Variants in LRRC20 observed in about 807,000 individuals in gnomAD.
LRRC20 encodes the protein leucine-rich repeat-containing protein 20.
A neutral mutation model predicts 14.4 loss-of-function variants in LRRC20; 11 were observed. That is an observed-to-expected ratio of 0.77 (90% CI 0.48 to 1.27). The LOEUF (loss-of-function observed/expected upper bound fraction) is 1.27, where lower values mean the gene tolerates loss of function less well. Among genes scored for constraint, LRRC20 ranks in the 50% most tolerant of loss-of-function variants. The pLI, the probability that LRRC20 is intolerant of heterozygous loss-of-function variation, is 0.00. For synonymous variants in LRRC20, 121 were observed against 107.3 expected (o/e 1.13, Z -0.79); for missense variants, 219 against 251.2 (o/e 0.87, Z 0.87).
intron 3 of LRRC20, among the ~76,000 whole-genome samples, chr10:70,325,356 G>T (rs1363711728): frequency 6.6e-6 from 1 of 152,134 alleles, no homozygotes; most frequent in African/African-American, 2.4e-5. Flanking sequence ...CAGGATAGCG[G>T]CCTGCTCTCC....
At chr10:70,302,690 T>C (rs1482035350) in intron 4 of LRRC20, among the ~76,000 whole-genome samples, 1 of 151,382 alleles carries the variant, frequency 6.6e-6, no homozygotes, top group East Asian at 1.9e-4. Context: ...ATGGGCAACA[T>C]AGTGAGACCC....
chr10:70,370,168 TA>T (rs1451834541), intron 2 of LRRC20, among the ~76,000 whole-genome samples: 8 of 152,244 alleles, frequency 5.3e-5, no homozygotes, highest in African/African-American at 1.9e-4. Flanking sequence ...ACAGACCTGT[TA>T]ATACTTAGGA....
At position 70,341,505 on chromosome 10, in the gene LRRC20, C is replaced by T. The variant is rs543294577; in HGVS notation, c.83-803G>A. On this transcript the variant is annotated intron_variant, in intron 2 of 4. Coordinates refer to ENST00000446961, the MANE Select transcript of LRRC20 (RefSeq NM_001278212.2). ...TGAAGTGGCCAGGCGTGGTGGCTCACGCCTGTAATCCCAGCACTTTGGGAG... is the reference window on the plus strand; with the variant it reads ...TGAAGTGGCCAGGCGTGGTGGCTCATGCCTGTAATCCCAGCACTTTGGGAG... 1.4e-3 allele frequency among the ~76,000 whole-genome samples: 220 copies of T among 152,324 alleles called. 1 individual carries two copies. Among genetic ancestry groups the T allele is most frequent in the African/African-American group, 5.1e-3 (212 of 41,566 alleles).
chr10:70,353,744 C>T (rs1843414978), intron 2 of LRRC20, among the ~76,000 whole-genome samples: 1 of 152,172 alleles, frequency 6.6e-6, no homozygotes, highest in South Asian at 2.1e-4. Context: ...TAGTAAGCTG[C>T]TGAGCTTAAG....
intron 4 of LRRC20, among the ~76,000 whole-genome samples, chr10:70,320,089 G>C (rs1045217820): frequency 2.0e-5 from 3 of 152,204 alleles, no homozygotes; most frequent in African/African-American, 4.8e-5. Context: ...TCCAGACTGA[G>C]AGCACGGGCC....
chr10:70,369,559 G>T (rs1184666725), intron 2 of LRRC20, among the ~76,000 whole-genome samples: 1 of 131,592 alleles, frequency 7.6e-6, no homozygotes, highest in African/African-American at 2.9e-5. Flanking sequence ...AGCCGAGATG[G>T]TGTCACTGCA....
chr10:70,374,645 C>A (rs1166109909), intron 2 of LRRC20, among the ~76,000 whole-genome samples: 1 of 152,094 alleles, frequency 6.6e-6, no homozygotes, highest in East Asian at 1.9e-4. Flanking sequence ...TGCCCAGCCC[C>A]CTGTGACATT....
intron 2 of LRRC20, among the ~76,000 whole-genome samples, chr10:70,354,518 C>T (rs940755095): frequency 6.6e-6 from 1 of 152,176 alleles, no homozygotes; most frequent in East Asian, 1.9e-4. Context: ...CCACCCCAGT[C>T]CCACAGAATC....
Position 70,330,152 on chromosome 10 carries a change from A to G in LRRC20, c.233-6122T>C, listed in dbSNP as rs185916313. On this transcript the variant is annotated intron_variant, in intron 3 of 4. Coordinates refer to ENST00000446961, the MANE Select transcript of LRRC20 (RefSeq NM_001278212.2). ...ATTGGGAAGTATGCCCTTCCCTTCT[A>G]TTTTCTGGAAGAGGCTGTGTAAAAT... is the stretch of plus-strand genomic sequence containing the variant. Among the ~76,000 whole-genome samples, 197 of 152,188 alleles carry G rather than the reference A, an allele frequency of 1.3e-3. 1 individual carries two copies. Among genetic ancestry groups the G allele is most frequent in the African/African-American group, 4.5e-3 (188 of 41,504 alleles).
intron 2 of LRRC20, among the ~76,000 whole-genome samples, chr10:70,357,641 C>A (rs1338211913): frequency 6.6e-6 from 1 of 152,160 alleles, no homozygotes; most frequent in Non-Finnish European, 1.5e-5. Flanking sequence ...CTATCATGGG[C>A]TCTGGGACTT....
At chr10:70,375,492 G>A (rs936621223) in intron 2 of LRRC20, among the ~76,000 whole-genome samples, 7 of 151,946 alleles carry the variant, frequency 4.6e-5, no homozygotes, top group African/African-American at 1.7e-4. Flanking sequence ...CTCTGCCTCT[G>A]ACTGCCTTTC....
chr10:70,304,487 T>TATATATATATATATAC (rs1841337445), intron 4 of LRRC20, among the ~76,000 whole-genome samples: 1 of 140,258 alleles, frequency 7.1e-6, no homozygotes. Flanking sequence ...TATATATATA[T>TATATATATATATATAC]ATATATATAT....
intron 4 of LRRC20, among the ~76,000 whole-genome samples, chr10:70,315,441 T>C (rs1841817846): frequency 6.6e-6 from 1 of 152,216 alleles, no homozygotes; most frequent in South Asian, 2.1e-4. Flanking sequence ...CACTTCCTTG[T>C]TGCTGAAAGT....
In LRRC20 at chr10:70,368,057, C is replaced by T. The variant is rs1354257534; in HGVS notation, c.82+8395G>A. Among the ~76,000 whole-genome samples the T allele has an allele frequency of 2.3e-5, 3 of 131,388 alleles. No homozygotes were observed. In the East Asian group the frequency reaches 6.2e-4, roughly 27 times the overall value. 86.2% of individuals were successfully genotyped at this position (131,388 alleles called of 152,430 possible). A position where few individuals can be genotyped will look rare whatever the true frequency, so the allele number is the denominator to read the frequency against. ...GGAGTGCAGTAGCACAATCTTGGCT[C>T]ACTGCAACCTCCACCTCCCAGGTTG... On this transcript the variant is annotated intron_variant, in intron 2 of 4. Transcript: ENST00000446961.
chr10:70,371,514 A>G (rs1383776610), intron 2 of LRRC20, among the ~76,000 whole-genome samples: 2 of 151,992 alleles, frequency 1.3e-5, no homozygotes, highest in Non-Finnish European at 2.9e-5. Context: ...CAGAGCCAGG[A>G]GCCTAAGACC....
At chr10:70,348,997 G>T (rs1321363493) in intron 2 of LRRC20, among the ~76,000 whole-genome samples, 1 of 152,138 alleles carries the variant, frequency 6.6e-6, no homozygotes, top group South Asian at 2.1e-4. Flanking sequence ...AGATGTGACT[G>T]GGGGCCAGGT....
chr10:70,334,249 T>G (rs897448613), intron 3 of LRRC20, among the ~76,000 whole-genome samples: 3 of 152,166 alleles, frequency 2.0e-5, no homozygotes, highest in African/African-American at 7.2e-5. Flanking sequence ...AAAGCTTCCA[T>G]GTCTGCCCTG....
At position 70,308,610 on chromosome 10, in the gene LRRC20, T is replaced by TG. The variant is rs969819920; in HGVS notation, c.401-7103dup. Among the ~76,000 whole-genome samples, 12 of 148,644 alleles carry TG rather than the reference T, an allele frequency of 8.1e-5. No homozygotes were observed. The East Asian group carries it at 2.3e-3, about 28-fold the overall frequency. ...AGACTGGCTATAGGGCAGCCGGGGT[T>TG]GGGGGGTGTGGCAGGGAGGGGCTGG... On this transcript the variant is annotated intron_variant, in intron 4 of 4. Coordinates refer to ENST00000446961, the MANE Select transcript of LRRC20 (RefSeq NM_001278212.2).
intron 3 of LRRC20, among the ~76,000 whole-genome samples, chr10:70,331,352 G>A (rs1842529694): frequency 6.6e-6 from 1 of 152,210 alleles, no homozygotes; most frequent in South Asian, 2.1e-4. Context: ...AGGCCAACTG[G>A]GGCCAGCAAG....
Sources: allele counts gnomAD v4.1 joint callset (sites outside exome capture counted in the v4.1 genomes callset), GRCh38; gene constraint gnomAD v4.1.1; transcripts MANE v1.5; gene names NCBI Gene and HGNC (gene_info 2026-07-23, HGNC 2026-07-21).